KIFAP3: variants seen among roughly 807,000 people sequenced by gnomAD.
KIFAP3 encodes the protein kinesin-associated protein 3.
A neutral mutation model predicts 106.5 loss-of-function variants in KIFAP3; 68 were observed. The observed-to-expected ratio is 0.64, with a 90% CI of 0.53 to 0.78. The LOEUF (loss-of-function observed/expected upper bound fraction) is 0.78, where lower values mean the gene tolerates loss of function less well. Among genes scored for constraint, KIFAP3 ranks in the 30% least tolerant of loss-of-function variants. The pLI, the probability that KIFAP3 is intolerant of heterozygous loss-of-function variation, is 0.00. For missense variants in KIFAP3, 780 were observed against 941.8 expected, an observed-to-expected ratio of 0.83 and a Z score of 2.25; for synonymous variants, 320 against 311.5, an observed-to-expected ratio of 1.03 and a Z score of -0.29.
At chr1:169,983,008 A>T in intron 13 of KIFAP3, 141 bp from the exon 14 acceptor site, 1 of 602,758 alleles carries the variant, frequency 1.7e-6, no homozygotes, top group South Asian at 5.4e-5. Flanking sequence ...CTTGAGCTAA[A>T]TTGCTAAAGA....
Position 170,074,428 on chromosome 1 carries a change from G to T in KIFAP3, c.32+8C>A, listed in dbSNP as rs927421267. On this transcript the variant is annotated splice_region_variant and intron_variant, in intron 1 of 19. Transcript: ENST00000361580. ...GGAGGGTAGGACAGAGCCTTGGGGAGTCGTCACCTTTTGAGGTATCTGGCG... is the reference window on the plus strand; with the variant it reads ...GGAGGGTAGGACAGAGCCTTGGGGATTCGTCACCTTTTGAGGTATCTGGCG... The T allele has an allele frequency of 1.9e-6, 3 of 1,613,882 alleles. No individual in the cohort carries two copies. Among genetic ancestry groups the T allele is most frequent in the African/African-American group, 2.7e-5 (2 of 74,922 alleles).
chr1:170,074,531 G>A lies in KIFAP3; in HGVS notation c.-64C>T. ...TGAGAGGCAGGCGCGGTTATTTCCG[G>A]GGACGGTGGCCAAAGTACCCTCACA... On this transcript the variant is annotated 5_prime_UTR_variant, in exon 1 of 20. Transcript: ENST00000361580. 1.2e-6 allele frequency: 2 copies of A among 1,610,402 alleles called. No homozygotes were observed. Among genetic ancestry groups the A allele is most frequent in the Non-Finnish European group, 8.5e-7 (1 of 1,178,520 alleles).
At chr1:170,005,869 TAA>T (rs113083014) in intron 10 of KIFAP3, among the ~76,000 whole-genome samples, 1 of 148,342 alleles carries the variant, frequency 6.7e-6, no homozygotes, top group African/African-American at 2.5e-5. Flanking sequence ...ATAATAAAAT[TAA>T]AAAAAAAACC....
At chr1:170,003,964 T>C (rs926192753) in intron 10 of KIFAP3, among the ~76,000 whole-genome samples, 24 of 152,186 alleles carry the variant, frequency 1.6e-4, no homozygotes, top group African/African-American at 4.6e-4. Flanking sequence ...GAAAACCCCA[T>C]TGTCTCAGCC....
At chr1:170,003,242 TA>T (rs2101965601) in intron 10 of KIFAP3, among the ~76,000 whole-genome samples, 1 of 152,316 alleles carries the variant, frequency 6.6e-6, no homozygotes, top group African/African-American at 2.4e-5. Flanking sequence ...TATAGACCAG[TA>T]ACAACCAATA....
chr1:170,058,013 T>C (rs936617993), intron 1 of KIFAP3, among the ~76,000 whole-genome samples: 1 of 152,154 alleles, frequency 6.6e-6, no homozygotes, highest in African/African-American at 2.4e-5. Context: ...CACAGAGTAA[T>C]ATGAAACATA....
chr1:170,039,204 C>G, intron 4 of KIFAP3, 29 bp downstream of exon 4: 1 of 1,371,568 alleles, frequency 7.3e-7, no homozygotes, highest in Non-Finnish European at 1.0e-6. Context: ...ATCCAGTCCT[C>G]TATTAGATCA....
chr1:169,992,066 T>G (rs927394730), intron 11 of KIFAP3, 89 bp downstream of exon 11: 4 of 554,914 alleles, frequency 7.2e-6, no homozygotes, highest in Non-Finnish European at 1.1e-5. Context: ...AGAACTTTTT[T>G]AGAGAGAAAA....
chr1:170,016,549 G>A lies in KIFAP3; in HGVS notation c.1096C>T (p.Arg366Ter), dbSNP rs1329091443. The change falls in exon 10 of 20, where the codon CGA becomes TGA. Residue 366 changes from arginine (R) to a stop codon, truncating the protein, a stop_gained. Coordinates refer to ENST00000361580, the MANE Select transcript of KIFAP3 (RefSeq NM_014970.4). LOFTEE classifies it high-confidence loss of function. ...TCAAAGGATAGGTTTAGTAAAAGTC[G>A]GAGGGTGATATTCAGCAGGTCTTCA... ...EHEDLLNITL[R>*]LLLNLSFDTG... The A allele has an allele frequency of 3.7e-6, 6 of 1,607,508 alleles. No homozygotes were observed. The highest frequency in any genetic ancestry group is 5.1e-6 in the Non-Finnish European group (6 of 1,177,318).
chr1:170,065,339 C>T (rs925521042), intron 1 of KIFAP3, among the ~76,000 whole-genome samples: 4 of 151,812 alleles, frequency 2.6e-5, no homozygotes, highest in Admixed American at 6.6e-5. Flanking sequence ...GGTGGCCGGG[C>T]GCAGTGGCTC....
rs529068689 is a variant in KIFAP3 at position 170,054,180 on chromosome 1, G to T, written c.164+1125C>A. On this transcript the variant is annotated intron_variant, in intron 2 of 19. Transcript: ENST00000361580. ...AACAAACAACCCCTTCAAATAGTGG[G>T]CAAAGGATATGAACAGACACTTCTC... 1.0e-3 allele frequency among the ~76,000 whole-genome samples: 159 copies of T among 152,268 alleles called. 1 individual carries two copies. The highest frequency in any genetic ancestry group is 3.6e-3 in the African/African-American group (151 of 41,552).
At chr1:169,924,218 G>A (rs1329282354) in intron 19 of KIFAP3, among the ~76,000 whole-genome samples, 1 of 152,150 alleles carries the variant, frequency 6.6e-6, no homozygotes, top group African/African-American at 2.4e-5. Context: ...GAGCACTGAT[G>A]AGTCTGAGTT....
upstream of KIFAP3, among the ~76,000 whole-genome samples, chr1:170,078,269 A>C (rs1052295019): frequency 3.9e-5 from 6 of 151,960 alleles, no homozygotes; most frequent in Non-Finnish European, 8.8e-5. Context: ...GTGCAGGGCT[A>C]TCTCACTTGA....
At chr1:169,955,136 G>A (rs1455732759) in intron 18 of KIFAP3, among the ~76,000 whole-genome samples, 1 of 152,112 alleles carries the variant, frequency 6.6e-6, no homozygotes, top group Admixed American at 6.5e-5. Context: ...ATGCTGGGTT[G>A]TTGAGTGGCC....
At chr1:169,927,974 G>A (rs1251164964) in intron 19 of KIFAP3, among the ~76,000 whole-genome samples, 1 of 152,124 alleles carries the variant, frequency 6.6e-6, no homozygotes, top group Non-Finnish European at 1.5e-5. Context: ...GGGTTGAGAG[G>A]CAAAATCATG....
At chr1:169,941,727 G>A (rs2101812129) in intron 19 of KIFAP3, among the ~76,000 whole-genome samples, 1 of 152,172 alleles carries the variant, frequency 6.6e-6, no homozygotes, top group Non-Finnish European at 1.5e-5. Flanking sequence ...TGACAAAGAA[G>A]TTGCTAACTT....
intron 9 of KIFAP3, among the ~76,000 whole-genome samples, chr1:170,021,509 C>CG (rs1668824719): frequency 6.8e-6 from 1 of 147,742 alleles, no homozygotes; most frequent in African/African-American, 2.5e-5. Context: ...ACATGATCTC[C>CG]GCTCAATGCA....
chr1:169,945,614 A>C (rs1186224580), intron 19 of KIFAP3, among the ~76,000 whole-genome samples: 2 of 152,252 alleles, frequency 1.3e-5, no homozygotes, highest in African/African-American at 4.8e-5. Flanking sequence ...GCTAATGTGC[A>C]TGCCTTCAAA....
chr1:170,032,366 A>G (rs1259712317), intron 7 of KIFAP3, among the ~76,000 whole-genome samples: 1 of 151,780 alleles, frequency 6.6e-6, no homozygotes, highest in Non-Finnish European at 1.5e-5. Context: ...ACTGCCTCAG[A>G]AAGTGATTTA....
Sources: allele counts gnomAD v4.1 joint callset (sites outside exome capture counted in the v4.1 genomes callset), GRCh38; gene constraint gnomAD v4.1.1; transcripts MANE v1.5; gene names NCBI Gene and HGNC (gene_info 2026-07-23, HGNC 2026-07-21).